The following TOMM7 variants were observed in gnomAD, a reference collection of about 807,000 sequenced individuals.
TOMM7 encodes mitochondrial import receptor subunit TOM7 homolog.
TOMM7 carries 8 observed loss-of-function variants against 9.5 expected under a neutral mutation model. The ratio of observed to expected loss-of-function variants is 0.84; its 90% CI spans 0.49 to 1.51. The LOEUF (loss-of-function observed/expected upper bound fraction) is 1.51, where lower values mean the gene tolerates loss of function less well. Ranked by LOEUF, TOMM7 falls within the 40% of genes most tolerant of loss-of-function variation. The pLI, the probability that TOMM7 is intolerant of heterozygous loss-of-function variation, is 0.00. For missense variants in TOMM7, 74 were observed against 63.7 expected, an observed-to-expected ratio of 1.16 and a Z score of -0.55; for synonymous variants, 27 against 21.4, an observed-to-expected ratio of 1.26 and a Z score of -0.72.
chr7:22,813,171 T>C lies in TOMM7; in HGVS notation c.167A>G (p.Ter56=). Residue 56 remains the stop codon, a stop_retained_variant, in exon 3 of 3, where the codon TAA becomes TGA. Transcript: ENST00000358435. ...EPTVLSLLWG[*] ...AAATCCAGAAGACCAAATAATCCTT[T>C]ATCCCCAAAGTAGGCTAAAATGTTT... 6.2e-7 allele frequency: 1 copy of C among 1,613,578 alleles called. No homozygotes were observed. Among genetic ancestry groups the C allele is most frequent in the Non-Finnish European group, 8.5e-7 (1 of 1,179,740 alleles).
chr7:22,818,467 G>C, intron 1 of TOMM7: 1 of 157,482 alleles, frequency 6.3e-6, no homozygotes. Flanking sequence ...TTTTAGTAGA[G>C]ACAGAGTCTC....
chr7:22,822,010 A>T, intron 1 of TOMM7: 1 of 1,015,428 alleles, frequency 9.8e-7, no homozygotes, highest in Non-Finnish European at 1.4e-6. Context: ...AAAAACAAAA[A>T]CCAAAAAAAC....
intron 1 of TOMM7, among the ~76,000 whole-genome samples, chr7:22,820,729 T>TG (rs1490451346): frequency 6.6e-6 from 1 of 152,118 alleles, no homozygotes; most frequent in Non-Finnish European, 1.5e-5. Context: ...GCAAGAATAG[T>TG]GGGGACAACA....
Position 22,813,045 on chromosome 7 carries a change from T to C in TOMM7, c.*125A>G. ...CAAGTTCCACTCTGCTACAGATGCGTCTGTGAAGAGCCTTGTGCCATCCAA... is the reference window on the plus strand; with the variant it reads ...CAAGTTCCACTCTGCTACAGATGCGCCTGTGAAGAGCCTTGTGCCATCCAA... On this transcript the variant is annotated 3_prime_UTR_variant, in exon 3 of 3. Coordinates refer to ENST00000358435, the MANE Select transcript of TOMM7 (RefSeq NM_019059.5). 8.8e-6 allele frequency: 8 copies of C among 905,884 alleles called. No individual in the cohort carries two copies. In the South Asian group the frequency reaches 1.1e-4, roughly 12 times the overall value. The allele number at this position is 905,884 out of a possible 1,614,324, so 56.1% of individuals were successfully genotyped here. A position where few individuals can be genotyped will look rare whatever the true frequency, so the allele number is the denominator to read the frequency against.
chr7:22,815,532 CA>C (rs35416658), intron 2 of TOMM7, among the ~76,000 whole-genome samples: 72,869 of 151,378 alleles, frequency 0.48, 19,310 homozygotes, highest in East Asian at 0.82. Flanking sequence ...CTTCTTGCTA[CA>C]AAAAAAACTA....
At chr7:22,814,349 CA>C (rs58506942) in intron 2 of TOMM7, among the ~76,000 whole-genome samples, 30,340 of 90,952 alleles carry the variant, frequency 0.33, 4,404 homozygotes, top group African/African-American at 0.48. Context: ...GACTCCGACT[CA>C]AAAAAAAAAA....
Position 22,819,250 on chromosome 7 carries a change from T to C in TOMM7, c.104-1202A>G, listed in dbSNP as rs550584728. 8.5e-5 allele frequency among the ~76,000 whole-genome samples: 13 copies of C among 152,182 alleles called. No individual in the cohort carries two copies. The South Asian group carries it at 2.7e-3, about 32-fold the overall frequency. ...ATCTTATTTAAAAGATAAAAAATAG[T>C]ATATGTAATAGGGAATAAAAGTTAA... On this transcript the variant is annotated intron_variant, in intron 1 of 2. Transcript: ENST00000358435.
chr7:22,822,827 G>C lies in TOMM7; in HGVS notation c.-48C>G, dbSNP rs375208814. 2 of 1,504,646 alleles carry C rather than the reference G, an allele frequency of 1.3e-6. No homozygotes were observed. Among genetic ancestry groups the C allele is most frequent in the African/African-American group, 1.4e-5 (1 of 72,690 alleles). The allele number at this position is 1,504,646 out of a possible 1,614,324, so 93.2% of individuals were successfully genotyped here. ...GAGGACCCCTTACAGCAACCACAGC[G>C]TCGGGAATCCGAAAGGGAAAGGAGG... On this transcript the variant is annotated 5_prime_UTR_variant, in exon 1 of 3. Transcript: ENST00000358435.
At chr7:22,817,524 G>A in intron 2 of TOMM7, 1 of 208,278 alleles carries the variant, frequency 4.8e-6, no homozygotes, top group South Asian at 6.8e-5. Flanking sequence ...AAAGTGCTGA[G>A]ATTACAGGTG....
At chr7:22,818,305 G>A (rs560455015) in intron 1 of TOMM7, 18 of 342,884 alleles carry the variant, frequency 5.2e-5, no homozygotes, top group African/African-American at 3.6e-4. Context: ...GTCTCACTCT[G>A]TCACCCAGGC....
chr7:22,813,199 G>A lies in TOMM7; in HGVS notation c.153-14C>T, dbSNP rs1442323910. ...CCCCAAAGTAGGCTAAAATGTTTGT[G>A]AAGAGAAGAAAGAAATTAAATTCCG... On this transcript the variant is annotated splice_polypyrimidine_tract_variant and intron_variant, in intron 2 of 2. Transcript: ENST00000358435. 2.5e-6 allele frequency: 4 copies of A among 1,608,592 alleles called. No individual in the cohort carries two copies. The highest frequency in any genetic ancestry group is 2.5e-6 in the Non-Finnish European group (3 of 1,177,822).
chr7:22,819,555 G>C lies in TOMM7; in HGVS notation c.104-1507C>G, dbSNP rs1436647004. Among the ~76,000 whole-genome samples the C allele has an allele frequency of 4.6e-5, 7 of 152,264 alleles. No individual in the cohort carries two copies. In the East Asian group the frequency reaches 1.4e-3, roughly 29 times the overall value. On this transcript the variant is annotated intron_variant, in intron 1 of 2. Coordinates refer to ENST00000358435, the MANE Select transcript of TOMM7 (RefSeq NM_019059.5). ...CCAGCTAACTTTTGTATTTTTAGTA[G>C]AGACAGAGTTTCTCCATGTTGGTCA...
At chr7:22,815,974 T>C (rs1172870840) in intron 2 of TOMM7, among the ~76,000 whole-genome samples, 1 of 152,168 alleles carries the variant, frequency 6.6e-6, no homozygotes, top group African/African-American at 2.4e-5. Flanking sequence ...GGAAAAAGCA[T>C]TCCAGGCTGA....
rs951598834 is a variant in TOMM7, at chr7:22,822,841, A to C, written c.-62T>G. ...GCAACCACAGCGTCGGGAATCCGAAAGGGAAAGGAGGTGCGCAGGCGCCAC... is the reference window on the plus strand; with the variant it reads ...GCAACCACAGCGTCGGGAATCCGAACGGGAAAGGAGGTGCGCAGGCGCCAC... On this transcript the variant is annotated 5_prime_UTR_variant, in exon 1 of 3. Transcript: ENST00000358435. The C allele has an allele frequency of 5.1e-6, 7 of 1,385,092 alleles. No individual in the cohort carries two copies. The highest frequency in any genetic ancestry group is 1.4e-5 in the African/African-American group (1 of 70,346). 85.8% of individuals were successfully genotyped at this position (1,385,092 alleles called of 1,614,324 possible).
intron 2 of TOMM7, among the ~76,000 whole-genome samples, chr7:22,814,423 G>A (rs1032791163): frequency 6.6e-6 from 1 of 151,584 alleles, no homozygotes; most frequent in Non-Finnish European, 1.5e-5. Flanking sequence ...GGAGGCTGAG[G>A]TGGGAGGACC....
intron 1 of TOMM7, among the ~76,000 whole-genome samples, chr7:22,821,294 C>T (rs1372717070): frequency 1.3e-5 from 2 of 151,938 alleles, no homozygotes; most frequent in African/African-American, 4.8e-5. Flanking sequence ...GCTGTAGTCC[C>T]AGCTGTGCGG....
At chr7:22,817,512 C>A in intron 2 of TOMM7, 1 of 231,496 alleles carries the variant, frequency 4.3e-6, no homozygotes, top group South Asian at 5.2e-5. Context: ...CCTTGGCTTT[C>A]CAAAGTGCTG....
At chr7:22,818,202 A>G (rs1007874291) in intron 1 of TOMM7, 154 bp from the exon 2 acceptor site, 9 of 627,970 alleles carry the variant, frequency 1.4e-5, no homozygotes, top group Non-Finnish European at 2.5e-5. Flanking sequence ...CCTACGCTAC[A>G]GAAGTCTCCA....
At chr7:22,817,008 T>C (rs1440628205) in intron 2 of TOMM7, among the ~76,000 whole-genome samples, 3 of 151,990 alleles carry the variant, frequency 2.0e-5, no homozygotes, top group African/African-American at 7.3e-5. Context: ...TCGAAGAAAA[T>C]GAATAAAGCC....
Sources: allele counts gnomAD v4.1 joint callset (sites outside exome capture counted in the v4.1 genomes callset), GRCh38; gene constraint gnomAD v4.1.1; transcripts MANE v1.5; gene names NCBI Gene and HGNC (gene_info 2026-07-23, HGNC 2026-07-21).